Variants in SCAPER observed in about 807,000 individuals in gnomAD.
SCAPER encodes S phase cyclin A-associated protein in the endoplasmic reticulum.
A neutral mutation model predicts 182.2 loss-of-function variants in SCAPER; 98 were observed. The observed-to-expected ratio is 0.54, with a 90% CI of 0.46 to 0.64. The LOEUF (loss-of-function observed/expected upper bound fraction) is 0.64, where lower values mean the gene tolerates loss of function less well. Ranked by LOEUF, SCAPER falls within the 30% of genes least tolerant of loss-of-function variation. The pLI is 0.00. For synonymous variants in SCAPER, 605 were observed against 564.6 expected (o/e 1.07, Z -1.01); for missense variants, 1,432 against 1,690.0 (o/e 0.85, Z 2.68).
intron 26 of SCAPER, among the ~76,000 whole-genome samples, chr15:76,413,580 G>C (rs2045445982): frequency 6.6e-6 from 1 of 152,188 alleles, no homozygotes; most frequent in Non-Finnish European, 1.5e-5. Flanking sequence ...GAATGGTCTT[G>C]GAAAATGGTG....
intron 5 of SCAPER, among the ~76,000 whole-genome samples, chr15:76,807,001 C>T (rs1257025994): frequency 6.6e-6 from 1 of 152,116 alleles, no homozygotes; most frequent in Non-Finnish European, 1.5e-5. Flanking sequence ...ATCATGTCAT[C>T]TGCAAGTACA....
intron 17 of SCAPER, among the ~76,000 whole-genome samples, chr15:76,717,419 G>GT (rs1160858760): frequency 6.6e-6 from 1 of 152,068 alleles, no homozygotes; most frequent in Non-Finnish European, 1.5e-5. Flanking sequence ...TAAACCACAC[G>GT]TATCTCTATT....
chr15:76,759,661 G>GA (rs137982387), intron 14 of SCAPER, among the ~76,000 whole-genome samples: 106 of 152,252 alleles, frequency 7.0e-4, no homozygotes, highest in Non-Finnish European at 1.4e-3. Flanking sequence ...TATGTTGAGG[G>GA]TTTTTTCATG....
chr15:76,837,482 G>GC (rs1445427177), intron 5 of SCAPER, among the ~76,000 whole-genome samples: 1 of 152,136 alleles, frequency 6.6e-6, no homozygotes, highest in Non-Finnish European at 1.5e-5. Context: ...AGGGGGAAAA[G>GC]CCCCTTATAA....
At chr15:76,815,879 G>T (rs1360269177) in intron 5 of SCAPER, among the ~76,000 whole-genome samples, 1 of 152,176 alleles carries the variant, frequency 6.6e-6, no homozygotes, top group African/African-American at 2.4e-5. Flanking sequence ...AAAGGTTGAG[G>T]ACTACTGCTG....
intron 25 of SCAPER, among the ~76,000 whole-genome samples, chr15:76,452,899 T>C (rs1234153579): frequency 3.3e-5 from 5 of 152,204 alleles, no homozygotes; most frequent in Admixed American, 3.3e-4. Context: ...GGTGCAATTA[T>C]AGCCTACTGC....
In SCAPER at chr15:76,487,625, G is replaced by A. The variant is rs149023577; in HGVS notation, c.2955-16290C>T. 3.3e-3 allele frequency among the ~76,000 whole-genome samples: 503 copies of A among 152,240 alleles called. 2 individuals carry two copies. The highest frequency in any genetic ancestry group is 0.012 in the African/African-American group (478 of 41,540). On this transcript the variant is annotated intron_variant, in intron 24 of 31. Coordinates refer to ENST00000563290, the MANE Select transcript of SCAPER (RefSeq NM_020843.4). ...GGTAAAACTGAGGAGAGGATGGGAA[G>A]AGGAAATACCTGGGAACTCAATTTC... is the stretch of plus-strand genomic sequence containing the variant.
intron 23 of SCAPER, among the ~76,000 whole-genome samples, chr15:76,520,872 T>C (rs2042781192): frequency 6.6e-6 from 1 of 152,190 alleles, no homozygotes; most frequent in South Asian, 2.1e-4. Flanking sequence ...TGGTACACAC[T>C]GAAAAACAAA....
intron 2 of SCAPER, among the ~76,000 whole-genome samples, chr15:76,871,572 CTTTTTTTTTTTTT>C (rs1178328861): frequency 8.1e-6 from 1 of 123,196 alleles, no homozygotes; most frequent in African/African-American, 3.1e-5. Context: ...TTACAATTTG[CTTTTTTTTTTTTT>C]TTTTTTAGAT....
chr15:76,703,140 C>A, intron 18 of SCAPER, 138 bp from the exon 19 acceptor site: 1 of 896,362 alleles, frequency 1.1e-6, no homozygotes, highest in Non-Finnish European at 1.6e-6. Context: ...GAAGACAAAG[C>A]TTTACACAAA....
At chr15:76,500,219 G>A (rs1238082044) in intron 24 of SCAPER, among the ~76,000 whole-genome samples, 1 of 152,126 alleles carries the variant, frequency 6.6e-6, no homozygotes, top group African/African-American at 2.4e-5. Context: ...GCTTTGTGTT[G>A]ATGAATGTAC....
At chr15:76,521,707 C>T (rs1180352561) in intron 23 of SCAPER, among the ~76,000 whole-genome samples, 1 of 152,136 alleles carries the variant, frequency 6.6e-6, no homozygotes, top group Non-Finnish European at 1.5e-5. Flanking sequence ...ATATTCCTCC[C>T]ATAATTCCAA....
intron 27 of SCAPER, among the ~76,000 whole-genome samples, chr15:76,395,083 A>C (rs1393058144): frequency 6.6e-6 from 1 of 152,196 alleles, no homozygotes; most frequent in Non-Finnish European, 1.5e-5. Context: ...CCCACAAATA[A>C]GTGAGAACAT....
chr15:76,875,925 G>C (rs560592935), intron 2 of SCAPER, among the ~76,000 whole-genome samples: 1 of 151,766 alleles, frequency 6.6e-6, no homozygotes, highest in African/African-American at 2.4e-5. Flanking sequence ...CACGGTGGGG[G>C]GCGGGGTCAG....
chr15:76,573,523 C>T (rs2047598758), intron 23 of SCAPER, among the ~76,000 whole-genome samples: 1 of 151,708 alleles, frequency 6.6e-6, no homozygotes, highest in South Asian at 2.1e-4. Flanking sequence ...ATGTTCATTC[C>T]ATTAAAGATT....
At chr15:76,784,377 A>C (rs1037973722) in intron 8 of SCAPER, among the ~76,000 whole-genome samples, 1 of 152,170 alleles carries the variant, frequency 6.6e-6, no homozygotes, top group Non-Finnish European at 1.5e-5. Context: ...TATTCAACAA[A>C]ATAAAAGAGG....
At chr15:76,869,900 T>C (rs1044749244) in intron 2 of SCAPER, among the ~76,000 whole-genome samples, 2 of 152,220 alleles carry the variant, frequency 1.3e-5, no homozygotes, top group Non-Finnish European at 2.9e-5. Flanking sequence ...CAAAGTTGAA[T>C]ATCATTCAGC....
chr15:76,418,364 A>G (rs1221507389), intron 26 of SCAPER, among the ~76,000 whole-genome samples: 3 of 152,182 alleles, frequency 2.0e-5, no homozygotes, highest in Admixed American at 1.3e-4. Context: ...CACTGCCACC[A>G]CAAATGCCAG....
At chr15:76,743,418 G>C (rs760637561) in intron 15 of SCAPER, among the ~76,000 whole-genome samples, 2 of 151,990 alleles carry the variant, frequency 1.3e-5, no homozygotes, top group Non-Finnish European at 2.9e-5. Flanking sequence ...TCTGCCAAAA[G>C]GGTACTGAAA....
Sources: gnomAD v4.1 joint callset for allele counts (sites outside exome capture counted in the v4.1 genomes callset) on GRCh38, gnomAD v4.1.1 for gene constraint, MANE v1.5 for transcripts, NCBI Gene and HGNC (gene_info 2026-07-23, HGNC 2026-07-21) for gene names.